Variants in OR10H1 observed in about 807,000 individuals in gnomAD.
OR10H1 encodes the protein olfactory receptor 10H1.
A neutral mutation model predicts 13.1 loss-of-function variants in OR10H1; 12 were observed. The observed-to-expected ratio is 0.92, with a 90% CI of 0.59 to 1.48. OR10H1 has a LOEUF of 1.48. Ranked by LOEUF, OR10H1 falls within the 40% of genes most tolerant of loss-of-function variation. The probability of loss-of-function intolerance (pLI) is 0.00; values close to 1 mark genes in which losing one functional copy is unlikely to be tolerated. For synonymous variants in OR10H1, 168 were observed against 175.6 expected (o/e 0.96, Z 0.34); for missense variants, 363 against 413.1 (o/e 0.88, Z 1.05).
intron 2 of OR10H1, among the ~76,000 whole-genome samples, chr19:15,811,896 G>A (rs2088934346): frequency 6.6e-6 from 1 of 152,104 alleles, no homozygotes; most frequent in Non-Finnish European, 1.5e-5. Flanking sequence ...TCTATCCCTG[G>A]AACCTGATTG....
chr19:15,808,058 G>T lies in OR10H1; in HGVS notation c.-11-10C>A, dbSNP rs779812360. The T allele has an allele frequency of 1.0e-5, 16 of 1,590,716 alleles. No individual in the cohort carries two copies. Among genetic ancestry groups the T allele is most frequent in the Non-Finnish European group, 1.4e-5 (16 of 1,162,774 alleles). On this transcript the variant is annotated splice_polypyrimidine_tract_variant and intron_variant, in intron 3 of 3. Transcript: ENST00000641419. ...TGCATGGAGGCTGTGCCTGGGGTGA[G>T]ATGTGACAGGGAGATGTCAGTTACT...
intron 1 of OR10H1, among the ~76,000 whole-genome samples, chr19:15,813,388 T>C (rs2037496240): frequency 6.6e-6 from 1 of 151,496 alleles, no homozygotes; most frequent in South Asian, 2.1e-4. Context: ...CAGCAGAACA[T>C]CCAGTGGGTT....
In OR10H1 at chr19:15,812,270, G is replaced by T. The variant is rs67187530; in HGVS notation, c.-169C>A. On this transcript the variant is annotated 5_prime_UTR_variant, in exon 2 of 4. Transcript: ENST00000641419. ...GTTTCAAAGGCCACTAGGAGATGCT[G>T]CTTCCCCATGACTGACCGTCTACAC... 45,823 of 151,926 alleles carry T rather than the reference G, an allele frequency of 0.3. 7,706 individuals carry two copies. The highest frequency in any genetic ancestry group is 0.44 in the African/African-American group (18,374 of 41,354). The allele number at this position is 151,926 out of a possible 1,614,324, so 9.4% of individuals were successfully genotyped here. A position where few individuals can be genotyped will look rare whatever the true frequency, so the allele number is the denominator to read the frequency against.
In OR10H1 at chr19:15,806,218, C is replaced by G. The variant is rs1370972811; in HGVS notation, c.*863G>C. 6.6e-6 allele frequency: 1 copy of G among 152,164 alleles called. No homozygotes were observed. The highest frequency in any genetic ancestry group is 2.4e-5 in the African/African-American group (1 of 41,430). 9.4% of individuals were successfully genotyped at this position (152,164 alleles called of 1,614,324 possible). A position where few individuals can be genotyped will look rare whatever the true frequency, so the allele number is the denominator to read the frequency against. ...GATGGAGGTTTGGTGCTAACTGACA[C>G]AGTTTCTTGCAGCAGATAGAAATAA... On this transcript the variant is annotated 3_prime_UTR_variant, in exon 4 of 4. Coordinates refer to ENST00000641419, the MANE Select transcript of OR10H1 (RefSeq NM_013940.4).
In OR10H1 at chr19:15,806,076, G is replaced by T. The variant is rs1035445821; in HGVS notation, c.*1005C>A. 1.3e-5 allele frequency: 2 copies of T among 152,136 alleles called. No individual in the cohort carries two copies. The highest frequency in any genetic ancestry group is 4.8e-5 in the African/African-American group (2 of 41,432). 9.4% of individuals were successfully genotyped at this position (152,136 alleles called of 1,614,324 possible). ...GTAGCCTTACAAAATCTGAGTTGTA[G>T]CTACCTGGTGCGGCACTCATAGAGA... On this transcript the variant is annotated 3_prime_UTR_variant, in exon 4 of 4. Transcript: ENST00000641419.
At position 15,808,047 on chromosome 19, in the gene OR10H1, G is replaced by A. The variant is rs142927376; in HGVS notation, c.-10C>T. On this transcript the variant is annotated splice_region_variant and 5_prime_UTR_variant, in exon 4 of 4. Transcript: ENST00000641419. ...GATTGGCTCTCTGCATGGAGGCTGTGCCTGGGGTGAGATGTGACAGGGAGA... is the reference window on the plus strand; with the variant it reads ...GATTGGCTCTCTGCATGGAGGCTGTACCTGGGGTGAGATGTGACAGGGAGA... 5.7e-5 allele frequency: 92 copies of A among 1,601,484 alleles called. 1 individual carries two copies. In the East Asian group the frequency reaches 2.0e-3, roughly 35 times the overall value.
Position 15,807,341 on chromosome 19 carries a change from C to T in OR10H1, c.697G>A (p.Glu233Lys). 1 of 1,613,958 alleles carries T rather than the reference C, an allele frequency of 6.2e-7. No homozygotes were observed. The change falls in exon 4 of 4, where the codon GAA becomes AAA. Residue 233 changes from glutamate (E) to lysine (K), a missense_variant. Physicochemically the swap from Glu to Lys is moderately conservative, Grantham distance 56. Coordinates refer to ENST00000641419, the MANE Select transcript of OR10H1 (RefSeq NM_013940.4). ...GTGGAGAAGGCCTTGTTCCGACCTT[C>T]AGCAGAAGGGATCTTCAAGATGGCG... Reference protein sequence around the residue: ...VAAILKIPSAEGRNKAFSTCA... With the variant: ...VAAILKIPSAKGRNKAFSTCA...
In OR10H1 at chr19:15,813,474, AAGAG is replaced by A. The variant is rs57320070; in HGVS notation, c.-777-600_-777-597del. Among the ~76,000 whole-genome samples, 768 of 138,424 alleles carry A rather than the reference AAGAG, an allele frequency of 5.5e-3. 5 individuals carry two copies. The highest frequency in any genetic ancestry group is 0.012 in the African/African-American group (453 of 36,254). 90.8% of individuals were successfully genotyped at this position (138,424 alleles called of 152,430 possible). ...ATGGGGATAGAGAGAGAGGCAGGGG[AAGAG>A]AGAGAGAGAGAGAGAGAGAGAGGAG... On this transcript the variant is annotated intron_variant, in intron 1 of 3. Coordinates refer to ENST00000641419, the MANE Select transcript of OR10H1 (RefSeq NM_013940.4).
chr19:15,807,014 A>T lies in OR10H1; in HGVS notation c.*67T>A. Reference sequence around the variant, plus strand: ...AGTGCTGGGATTACAGGCATGAGTCACCACGGAACGTAATTTTTAACAATA... The same window carrying T: ...AGTGCTGGGATTACAGGCATGAGTCTCCACGGAACGTAATTTTTAACAATA... On this transcript the variant is annotated 3_prime_UTR_variant, in exon 4 of 4. Transcript: ENST00000641419. 6 of 1,453,632 alleles carry T rather than the reference A, an allele frequency of 4.1e-6. No individual in the cohort carries two copies. In the Admixed American group the frequency reaches 1.1e-4, roughly 27 times the overall value. The allele number at this position is 1,453,632 out of a possible 1,614,324, so 90.0% of individuals were successfully genotyped here.
chr19:15,813,505 CGAGGGAGAAACAGAGAGAGAGAGGT>C (rs2088946242), intron 1 of OR10H1, among the ~76,000 whole-genome samples: 4 of 101,834 alleles, frequency 3.9e-5, no homozygotes, highest in Non-Finnish European at 8.2e-5. Context: ...AGAGAGGAGG[CGAGGGAGAAACAGAGAGAGAGAGGT>C]GGGGAGAGAA....
chr19:15,809,823 T>C (rs549740332), intron 2 of OR10H1, among the ~76,000 whole-genome samples: 7 of 152,296 alleles, frequency 4.6e-5, no homozygotes, highest in South Asian at 4.1e-4. Flanking sequence ...CAATTTTTTT[T>C]TTTTCAAAAG....
intron 1 of OR10H1, among the ~76,000 whole-genome samples, chr19:15,813,147 TAAAAA>T (rs5827309): frequency 0.024 from 3,429 of 145,292 alleles, 149 homozygotes; most frequent in African/African-American, 0.082. Flanking sequence ...AGATTAATGG[TAAAAA>T]AAAAAAAAAA....
chr19:15,812,682 G>C lies in OR10H1; in HGVS notation c.-581C>G, dbSNP rs1433093051. ...GAGGGAGGCAGGAAGGAAGGAAGGA[G>C]AGTGAGGGAGGAAAGAAGGAGAGTG... On this transcript the variant is annotated 5_prime_UTR_variant, in exon 2 of 4. Transcript: ENST00000641419. The C allele has an allele frequency of 6.8e-6, 1 of 147,600 alleles. No homozygotes were observed. The highest frequency in any genetic ancestry group is 1.5e-5 in the Non-Finnish European group (1 of 66,860). 9.1% of individuals were successfully genotyped at this position (147,600 alleles called of 1,614,324 possible). A position where few individuals can be genotyped will look rare whatever the true frequency, so the allele number is the denominator to read the frequency against.
rs1174542742 is a variant in OR10H1 at position 15,807,653 on chromosome 19, G to T, written c.385C>A (p.Pro129Thr). Reference sequence around the variant, plus strand: ...CTCATGAGCACGTTGTAGCGCAGGGGGTGGCAGATGGCCACGTAGCGGTCG... The same window carrying T: ...CTCATGAGCACGTTGTAGCGCAGGGTGTGGCAGATGGCCACGTAGCGGTCG... Reference protein sequence around the residue: ...GYDRYVAICHPLRYNVLMSPR... With the variant: ...GYDRYVAICHTLRYNVLMSPR... Residue 129 changes from proline (P) to threonine (T), a missense_variant, in exon 4 of 4, where the codon CCC becomes ACC. Around this residue, in one of 3 missense-constraint regions of OR10H1, gnomAD observed 318 missense variants for 366.6 expected, o/e 0.87. Transcript: ENST00000641419. 1 of 1,614,102 alleles carries T rather than the reference G, an allele frequency of 6.2e-7. No individual in the cohort carries two copies.
rs1599312215 is a variant in OR10H1 at position 15,808,134 on chromosome 19, C to T, written c.-11-86G>A. On this transcript the variant is annotated intron_variant, in intron 3 of 3. Transcript: ENST00000641419. ...CCCATACCTGGATTTGCCCAAGGGA[C>T]TGCTCTTGATAAATGGTTTGGTTCC... The T allele has an allele frequency of 4.5e-6, 5 of 1,109,902 alleles. No homozygotes were observed. The East Asian group carries it at 1.2e-4, about 26-fold the overall frequency. The allele number at this position is 1,109,902 out of a possible 1,614,324, so 68.8% of individuals were successfully genotyped here. A position where few individuals can be genotyped will look rare whatever the true frequency, so the allele number is the denominator to read the frequency against.
intron 1 of OR10H1, among the ~76,000 whole-genome samples, chr19:15,813,132 G>T (rs1007270708): frequency 4.2e-5 from 6 of 144,052 alleles, no homozygotes; most frequent in Non-Finnish European, 3.0e-5. Context: ...TTCATCAGTT[G>T]TAACAGATTA....
chr19:15,813,491 A>C (rs997173575), intron 1 of OR10H1, among the ~76,000 whole-genome samples: 6 of 149,986 alleles, frequency 4.0e-5, no homozygotes, highest in Admixed American at 6.7e-5. Context: ...AGAGAGAGAG[A>C]GAGAGAGAGG....
intron 2 of OR10H1, among the ~76,000 whole-genome samples, chr19:15,811,058 G>A (rs2088930224): frequency 6.6e-6 from 1 of 152,030 alleles, no homozygotes; most frequent in Non-Finnish European, 1.5e-5. Flanking sequence ...AGAGATGAAG[G>A]AAGAACCAGC....
In OR10H1 at chr19:15,815,157, G is replaced by C. The variant is rs529668487; in HGVS notation, c.-778+398C>G. On this transcript the variant is annotated intron_variant, in intron 1 of 3. Coordinates refer to ENST00000641419, the MANE Select transcript of OR10H1 (RefSeq NM_013940.4). ...AGTTCAAGACCAGCCTGTCCAGCATGGTGAAACCCCTGTCTCTACTAAAAA... is the reference window on the plus strand; with the variant it reads ...AGTTCAAGACCAGCCTGTCCAGCATCGTGAAACCCCTGTCTCTACTAAAAA... Among the ~76,000 whole-genome samples, 5 of 152,138 alleles carry C rather than the reference G, an allele frequency of 3.3e-5. No individual in the cohort carries two copies. In the South Asian group the frequency reaches 6.2e-4, roughly 19 times the overall value.
Sources: allele counts gnomAD v4.1 joint callset (sites outside exome capture counted in the v4.1 genomes callset), GRCh38; gene constraint gnomAD v4.1.1; regional missense constraint gnomAD v4.1.1; transcripts MANE v1.5; gene names NCBI Gene and HGNC (gene_info 2026-07-23, HGNC 2026-07-21).